Variants in RWDD1 observed in about 807,000 individuals in gnomAD.
The protein encoded by RWDD1 is RWD domain containing 1.
RWDD1 carries 17 observed loss-of-function variants against 31.6 expected under a neutral mutation model. The observed-to-expected ratio is 0.54, with a 90% confidence interval of 0.37 to 0.81. The LOEUF (loss-of-function observed/expected upper bound fraction) is 0.81. Ranked by LOEUF, RWDD1 falls within the 30% of genes least tolerant of loss-of-function variation. The pLI is 0.00. For missense variants in RWDD1, 204 were observed against 274.5 expected (o/e 0.74, Z 1.82); for synonymous variants, 78 against 94.2 (o/e 0.83, Z 0.99).
intron 1 of RWDD1, chr6:116,572,982 C>T: frequency 3.0e-6 from 3 of 985,498 alleles, no homozygotes; most frequent in Non-Finnish European, 3.6e-6. Context: ...GTGTCATTAA[C>T]TGGGTGAGTG....
At chr6:116,574,086 A>G (rs1331738126) in intron 1 of RWDD1, 1 of 578,312 alleles carries the variant, frequency 1.7e-6, no homozygotes, top group Non-Finnish European at 2.2e-6. Flanking sequence ...CAACCCTCCT[A>G]ACAACTAGTC....
At chr6:116,589,628 C>G (rs962968311) in intron 4 of RWDD1, among the ~76,000 whole-genome samples, 1 of 152,064 alleles carries the variant, frequency 6.6e-6, no homozygotes, top group East Asian at 1.9e-4. Flanking sequence ...TGTATTAGTT[C>G]GTTTTCATGC....
chr6:116,593,937 T>A lies in RWDD1; in HGVS notation c.*836T>A, dbSNP rs1447805169. On this transcript the variant is annotated 3_prime_UTR_variant, in exon 7 of 7. Transcript: ENST00000466444. ...TCCAGCCTGGGCAACAGAGCAAGAC[T>A]CCGTCTCAAAAAAAAAAAAAAGGTT... is the stretch of plus-strand genomic sequence containing the variant. The A allele has an allele frequency of 6.7e-6, 1 of 149,656 alleles. No homozygotes were observed. The highest frequency in any genetic ancestry group is 1.5e-5 in the Non-Finnish European group (1 of 67,656). 9.3% of individuals were successfully genotyped at this position (149,656 alleles called of 1,614,324 possible).
chr6:116,581,899 G>A (rs1302219812), intron 2 of RWDD1, among the ~76,000 whole-genome samples: 1 of 151,878 alleles, frequency 6.6e-6, no homozygotes, highest in East Asian at 1.9e-4. Context: ...TGTTTATAAT[G>A]TCATTGTTTC....
chr6:116,585,278 T>C (rs1159118328), intron 3 of RWDD1, among the ~76,000 whole-genome samples: 1 of 152,180 alleles, frequency 6.6e-6, no homozygotes, highest in Non-Finnish European at 1.5e-5. Context: ...GGACTGGTAA[T>C]TGATTTTTTT....
rs1288837043 is a variant in RWDD1 at position 116,574,636 on chromosome 6, GC to G, written c.73+2983del. Among the ~76,000 whole-genome samples the G allele has an allele frequency of 6.6e-5, 10 of 150,690 alleles. No individual in the cohort carries two copies. The East Asian group carries it at 1.8e-3, about 26-fold the overall frequency. ...ACATCTCTCCTGCCCTTCCTCTGTG[GC>G]CAACAACTTACTTTCTTTCTTTCTT... is the stretch of plus-strand genomic sequence containing the variant. On this transcript the variant is annotated intron_variant, in intron 1 of 6. Transcript: ENST00000466444.
intron 2 of RWDD1, among the ~76,000 whole-genome samples, chr6:116,583,724 T>C (rs905635537): frequency 3.9e-5 from 6 of 152,160 alleles, no homozygotes; most frequent in African/African-American, 1.4e-4. Context: ...AAAATCTTGT[T>C]CCACCAATAA....
chr6:116,592,542 C>A (rs531747755), intron 6 of RWDD1, among the ~76,000 whole-genome samples: 3 of 152,240 alleles, frequency 2.0e-5, no homozygotes, highest in South Asian at 2.1e-4. Context: ...AAAAGGGGAA[C>A]TGGGTGAGAA....
intron 2 of RWDD1, among the ~76,000 whole-genome samples, chr6:116,582,602 C>G (rs1046767712): frequency 2.0e-5 from 3 of 152,030 alleles, no homozygotes; most frequent in African/African-American, 4.8e-5. Flanking sequence ...AACCTTTTAT[C>G]CTGTAACTGA....
rs2115341844 is a variant in RWDD1, at chr6:116,597,042, C to T, written c.*3941C>T. The T allele has an allele frequency of 6.6e-6, 1 of 152,254 alleles. No homozygotes were observed. The highest frequency in any genetic ancestry group is 1.9e-4 in the East Asian group (1 of 5,186). 9.4% of individuals were successfully genotyped at this position (152,254 alleles called of 1,614,324 possible). On this transcript the variant is annotated 3_prime_UTR_variant, in exon 7 of 7. Coordinates refer to ENST00000466444, the MANE Select transcript of RWDD1 (RefSeq NM_015952.4). ...TGTCCACGGTACTGAACCATCAATG[C>T]TAAATGGTATTTAGTTGTGGATCTT...
intron 2 of RWDD1, among the ~76,000 whole-genome samples, chr6:116,583,191 G>A (rs900579872): frequency 6.6e-6 from 1 of 151,936 alleles, no homozygotes; most frequent in African/African-American, 2.4e-5. Flanking sequence ...TGCCCAGGCT[G>A]GTCTTGAACT....
rs968192751 is a variant in RWDD1 at position 116,590,535 on chromosome 6, A to T, written c.547+131A>T. ...GGCATCTAGGACAAAAAGAGAAAAC[A>T]TATCTACCAGATGATGTTTCTCCAC... On this transcript the variant is annotated intron_variant, in intron 5 of 6. Transcript: ENST00000466444. The T allele has an allele frequency of 2.6e-6, 3 of 1,153,232 alleles. No homozygotes were observed. The African/African-American group carries it at 4.8e-5, about 18-fold the overall frequency. 71.4% of individuals were successfully genotyped at this position (1,153,232 alleles called of 1,614,324 possible).
intron 2 of RWDD1, among the ~76,000 whole-genome samples, chr6:116,583,068 C>T (rs1774976617): frequency 6.6e-6 from 1 of 151,708 alleles, no homozygotes; most frequent in Admixed American, 6.6e-5. Context: ...GCCTCCAACT[C>T]CTGGGCTCAA....
intron 3 of RWDD1, among the ~76,000 whole-genome samples, chr6:116,586,132 G>A (rs183342668): frequency 7.9e-5 from 12 of 152,240 alleles, no homozygotes; most frequent in Non-Finnish European, 1.5e-4. Flanking sequence ...TTTGACACCT[G>A]CCTGACCCTC....
rs991237363 is a variant in RWDD1 at position 116,595,452 on chromosome 6, C to T, written c.*2351C>T. ...GGAATTAGCCCAAGACTATGCTGCT[C>T]AAATGGGTGCAAATATACTCTCAGG... On this transcript the variant is annotated 3_prime_UTR_variant, in exon 7 of 7. Coordinates refer to ENST00000466444, the MANE Select transcript of RWDD1 (RefSeq NM_015952.4). 1 of 152,250 alleles carries T rather than the reference C, an allele frequency of 6.6e-6. No homozygotes were observed. Among genetic ancestry groups the T allele is most frequent in the East Asian group, 1.9e-4 (1 of 5,192 alleles). The allele number at this position is 152,250 out of a possible 1,614,324, so 9.4% of individuals were successfully genotyped here.
rs146160044 is a variant in RWDD1 at position 116,589,900 on chromosome 6, C to T, written c.415-372C>T. ...TCAGTTACCTCCCCCTGGGTCCCTC[C>T]TACAGCACATGGGAATTCTGGGAGA... On this transcript the variant is annotated intron_variant, in intron 4 of 6. Transcript: ENST00000466444. 6.6e-3 allele frequency among the ~76,000 whole-genome samples: 1,004 copies of T among 152,240 alleles called. 3 individuals carry two copies. The highest frequency in any genetic ancestry group is 0.011 in the Non-Finnish European group (750 of 67,964).
chr6:116,590,538 T>C (rs1775123420), intron 5 of RWDD1, 134 bp downstream of exon 5: 2 of 1,120,024 alleles, frequency 1.8e-6, no homozygotes, highest in Non-Finnish European at 2.5e-6. Flanking sequence ...AGAAAACATA[T>C]CTACCAGATG....
At chr6:116,577,396 A>G (rs541504797) in intron 1 of RWDD1, among the ~76,000 whole-genome samples, 1 of 151,900 alleles carries the variant, frequency 6.6e-6, no homozygotes, top group Non-Finnish European at 1.5e-5. Context: ...TCTGTGTTAC[A>G]TTTCTGATGA....
intron 1 of RWDD1, among the ~76,000 whole-genome samples, chr6:116,579,182 T>C (rs1438647631): frequency 6.6e-6 from 1 of 152,094 alleles, no homozygotes; most frequent in Non-Finnish European, 1.5e-5. Flanking sequence ...GGCCAGAAAA[T>C]ACTGTTGATA....
Sources: gnomAD v4.1 joint callset for allele counts (sites outside exome capture counted in the v4.1 genomes callset) on GRCh38, gnomAD v4.1.1 for gene constraint, MANE v1.5 for transcripts, NCBI Gene and HGNC (gene_info 2026-07-23, HGNC 2026-07-21) for gene names.